The following PTPRK variants were observed in gnomAD, a reference collection of about 807,000 sequenced individuals.
PTPRK encodes protein tyrosine phosphatase receptor type K, also known as receptor-type tyrosine-protein phosphatase kappa.
In PTPRK, 75 loss-of-function variants were observed where a neutral mutation model predicts 178.0. The ratio of observed to expected loss-of-function variants is 0.42; its 90% CI spans 0.35 to 0.51. The LOEUF is 0.51. PTPRK is among the 20% of genes least tolerant of loss of function. The pLI is 0.02. For synonymous variants in PTPRK, 637 were observed against 620.6 expected (o/e 1.03, Z -0.39); for missense variants, 1,441 against 1,797.8 (o/e 0.80, Z 3.59).
intron 3 of PTPRK, among the ~76,000 whole-genome samples, chr6:128,291,730 G>C (rs1238064044): frequency 6.6e-6 from 1 of 152,100 alleles, no homozygotes; most frequent in Admixed American, 6.6e-5. Context: ...CATCAAGCTT[G>C]CATATGCAAA....
chr6:128,447,570 T>A lies in PTPRK; in HGVS notation c.101-49882A>T, dbSNP rs534222844. 3.5e-4 allele frequency among the ~76,000 whole-genome samples: 53 copies of A among 151,900 alleles called. 1 individual carries two copies. In the South Asian group the frequency reaches 0.011, roughly 30 times the overall value. Reference sequence around the variant, plus strand: ...TGACCCATGCTTAATCTATTATGAGTGCTTAAAGTAGCGGGAAAGCTGTGG... The same window carrying A: ...TGACCCATGCTTAATCTATTATGAGAGCTTAAAGTAGCGGGAAAGCTGTGG... On this transcript the variant is annotated intron_variant, in intron 1 of 29. Transcript: ENST00000368226.
chr6:128,441,510 C>G (rs1269484134), intron 1 of PTPRK, among the ~76,000 whole-genome samples: 1 of 152,042 alleles, frequency 6.6e-6, no homozygotes, highest in Non-Finnish European at 1.5e-5. Context: ...GTTTTCATGT[C>G]AAGGACCAGG....
At chr6:128,142,597 C>G (rs1437453676) in intron 7 of PTPRK, among the ~76,000 whole-genome samples, 1 of 151,386 alleles carries the variant, frequency 6.6e-6, no homozygotes, top group Non-Finnish European at 1.5e-5. Context: ...AGACATGTCT[C>G]CTCCAAATGC....
At chr6:128,301,168 G>C (rs947442598) in intron 3 of PTPRK, among the ~76,000 whole-genome samples, 6 of 152,040 alleles carry the variant, frequency 3.9e-5, no homozygotes, top group African/African-American at 1.4e-4. Flanking sequence ...ATGGAGGGTG[G>C]ATATCACTAT....
At chr6:128,388,348 T>C (rs953549) in intron 2 of PTPRK, among the ~76,000 whole-genome samples, 109,646 of 152,080 alleles carry the variant, frequency 0.72, 45,263 homozygotes, top group Middle Eastern at 0.92. Flanking sequence ...GATGACCTAC[T>C]GAATGGAGAG....
chr6:128,238,219 G>C (rs750905910), intron 5 of PTPRK: 6 of 327,866 alleles, frequency 1.8e-5, no homozygotes, highest in Non-Finnish European at 2.9e-5. Context: ...AAAAAAAAAA[G>C]AGGTGAGGTA....
chr6:128,144,084 A>G (rs1796145177), intron 7 of PTPRK, among the ~76,000 whole-genome samples: 1 of 152,018 alleles, frequency 6.6e-6, no homozygotes, highest in South Asian at 2.1e-4. Context: ...TTCAGAAGAG[A>G]ATATCCTCAT....
chr6:128,137,549 G>A (rs1276858369), intron 7 of PTPRK, among the ~76,000 whole-genome samples: 5 of 151,982 alleles, frequency 3.3e-5, no homozygotes, highest in African/African-American at 7.3e-5. Context: ...TCCATACTAC[G>A]AACAGATATC....
chr6:128,224,224 G>A (rs1384474374), intron 5 of PTPRK, among the ~76,000 whole-genome samples: 1 of 151,866 alleles, frequency 6.6e-6, no homozygotes, highest in Non-Finnish European at 1.5e-5. Flanking sequence ...TTTCCATCCC[G>A]CCCTCCAATC....
intron 1 of PTPRK, among the ~76,000 whole-genome samples, chr6:128,466,568 C>T (rs1849866812): frequency 6.6e-6 from 1 of 152,088 alleles, no homozygotes; most frequent in Non-Finnish European, 1.5e-5. Flanking sequence ...CAATTAGGTT[C>T]CTAATAACTA....
intron 1 of PTPRK, among the ~76,000 whole-genome samples, chr6:128,513,673 C>T (rs9482892): frequency 0.16 from 24,062 of 151,952 alleles, 2,103 homozygotes; most frequent in African/African-American, 0.19. Context: ...GCAGTGTTTC[C>T]CAGAATTAAA....
At chr6:128,126,848 C>T (rs1793460627) in intron 7 of PTPRK, among the ~76,000 whole-genome samples, 1 of 152,142 alleles carries the variant, frequency 6.6e-6, no homozygotes, top group Non-Finnish European at 1.5e-5. Context: ...TATCTTAAGA[C>T]TATGCTTAAT....
At chr6:128,466,262 C>G (rs1336948611) in intron 1 of PTPRK, among the ~76,000 whole-genome samples, 1 of 152,086 alleles carries the variant, frequency 6.6e-6, no homozygotes, top group Non-Finnish European at 1.5e-5. Flanking sequence ...ATAAAGAAAT[C>G]TAATAGAAGA....
chr6:127,977,199 T>C (rs1774704455), intron 25 of PTPRK, 145 bp from the exon 26 acceptor site: 1 of 775,920 alleles, frequency 1.3e-6, no homozygotes, highest in Admixed American at 2.5e-5. Context: ...GATTAAACCA[T>C]GGAATAGGAG....
intron 8 of PTPRK, among the ~76,000 whole-genome samples, chr6:128,089,408 A>AT (rs543203041): frequency 1.7e-4 from 26 of 152,340 alleles, no homozygotes; most frequent in African/African-American, 6.0e-4. Flanking sequence ...ATTTTTGAAC[A>AT]TTTGATTTAA....
chr6:128,104,981 C>T (rs1172586484), intron 7 of PTPRK, among the ~76,000 whole-genome samples: 1 of 152,088 alleles, frequency 6.6e-6, no homozygotes, highest in African/African-American at 2.4e-5. Context: ...GTACTTAAAA[C>T]ATTTTATCTA....
chr6:128,404,945 C>T (rs1470752491), intron 1 of PTPRK, among the ~76,000 whole-genome samples: 1 of 152,226 alleles, frequency 6.6e-6, no homozygotes, highest in African/African-American at 2.4e-5. Flanking sequence ...CAGAATTATC[C>T]AGTACAGCTG....
chr6:128,488,740 T>C (rs1279439035), intron 1 of PTPRK, among the ~76,000 whole-genome samples: 1 of 152,168 alleles, frequency 6.6e-6, no homozygotes, highest in Non-Finnish European at 1.5e-5. Flanking sequence ...AAAAGCATCA[T>C]ACATAAGTTG....
chr6:128,238,213 A>G (rs1380415333), intron 5 of PTPRK: 1 of 406,986 alleles, frequency 2.5e-6, no homozygotes, highest in South Asian at 1.8e-5. Context: ...GAAAAGAAAA[A>G]AAAAAGAGGT....
Sources: allele counts gnomAD v4.1 joint callset (sites outside exome capture counted in the v4.1 genomes callset), GRCh38; gene constraint gnomAD v4.1.1; transcripts MANE v1.5; gene names NCBI Gene and HGNC (gene_info 2026-07-23, HGNC 2026-07-21).